Variants in IQCJ observed in about 807,000 individuals in gnomAD.
The protein encoded by IQCJ is IQ domain-containing protein J.
A neutral mutation model predicts 11.0 loss-of-function variants in IQCJ; 9 were observed. The ratio of observed to expected loss-of-function variants is 0.82; its 90% confidence interval spans 0.49 to 1.43. IQCJ has a LOEUF of 1.43. IQCJ is among the 40% of genes most tolerant of loss of function. The pLI is 0.00. For missense variants in IQCJ, 146 were observed against 133.2 expected, an observed-to-expected ratio of 1.10 and a Z score of -0.47; for synonymous variants, 55 against 51.3, an observed-to-expected ratio of 1.07 and a Z score of -0.31.
At chr3:159,254,589 A>C (rs1040218628) in intron 3 of IQCJ, among the ~76,000 whole-genome samples, 1 of 152,080 alleles carries the variant, frequency 6.6e-6, no homozygotes, top group African/African-American at 2.4e-5. Context: ...GTGGTTATTA[A>C]ATTCTTAACT....
At chr3:159,213,531 T>C (rs1319639389) in intron 1 of IQCJ, among the ~76,000 whole-genome samples, 1 of 152,224 alleles carries the variant, frequency 6.6e-6, no homozygotes, top group African/African-American at 2.4e-5. Flanking sequence ...TATAAAGAAC[T>C]ATCACTGTTT....
chr3:159,237,515 A>G (rs1726663205), intron 1 of IQCJ, among the ~76,000 whole-genome samples: 1 of 152,202 alleles, frequency 6.6e-6, no homozygotes. Context: ...CAACTCTTAT[A>G]ACAGTGGGAA....
intron 1 of IQCJ, among the ~76,000 whole-genome samples, chr3:159,134,599 G>A (rs1267235776): frequency 6.6e-6 from 1 of 152,122 alleles, no homozygotes; most frequent in African/African-American, 2.4e-5. Flanking sequence ...TTCTTTCAGT[G>A]ACCTTTTCTG....
At chr3:159,146,243 T>C (rs1720920289) in intron 1 of IQCJ, among the ~76,000 whole-genome samples, 1 of 152,076 alleles carries the variant, frequency 6.6e-6, no homozygotes, top group African/African-American at 2.4e-5. Flanking sequence ...ATGTGGCAAA[T>C]TGATGCCATT....
intron 2 of IQCJ, among the ~76,000 whole-genome samples, chr3:159,249,782 C>T (rs1727486426): frequency 6.6e-6 from 1 of 152,180 alleles, no homozygotes; most frequent in African/African-American, 2.4e-5. Flanking sequence ...CCCCTTGGAA[C>T]ATTACATTTA....
chr3:159,249,874 T>C (rs568620584), intron 2 of IQCJ, among the ~76,000 whole-genome samples: 2 of 150,242 alleles, frequency 1.3e-5, no homozygotes, highest in Non-Finnish European at 2.9e-5. Flanking sequence ...TCTGAGACCA[T>C]TGGCAGAGCC....
intron 1 of IQCJ, among the ~76,000 whole-genome samples, chr3:159,195,941 A>T (rs933936858): frequency 7.2e-5 from 11 of 152,232 alleles, no homozygotes; most frequent in African/African-American, 2.7e-4. Flanking sequence ...GACAATCAGG[A>T]TAATCATAGC....
chr3:159,081,604 A>C (rs1716316203), intron 1 of IQCJ, among the ~76,000 whole-genome samples: 1 of 152,056 alleles, frequency 6.6e-6, no homozygotes, highest in Non-Finnish European at 1.5e-5. Flanking sequence ...TCATTTTTTC[A>C]GTGTGGTTGA....
At chr3:159,151,877 G>A (rs138511922) in intron 1 of IQCJ, among the ~76,000 whole-genome samples, 19 of 152,246 alleles carry the variant, frequency 1.2e-4, no homozygotes, top group Admixed American at 5.2e-4. Context: ...CTCGTGATCC[G>A]CCCACCTTGG....
intron 3 of IQCJ, among the ~76,000 whole-genome samples, chr3:159,255,062 A>C (rs1727819110): frequency 6.6e-6 from 1 of 152,190 alleles, no homozygotes; most frequent in Non-Finnish European, 1.5e-5. Flanking sequence ...TTCCAAGATA[A>C]GTTTTTTTAG....
intron 2 of IQCJ, among the ~76,000 whole-genome samples, chr3:159,246,945 T>G (rs1241450725): frequency 6.6e-6 from 1 of 152,092 alleles, no homozygotes; most frequent in Admixed American, 6.6e-5. Context: ...CCAAACAGAA[T>G]GAACTTTGTT....
chr3:159,115,212 GTGAAGGAA>G (rs1718899084), intron 1 of IQCJ, among the ~76,000 whole-genome samples: 1 of 152,160 alleles, frequency 6.6e-6, no homozygotes, highest in Non-Finnish European at 1.5e-5. Flanking sequence ...TTTTGGATTT[GTGAAGGAA>G]TAGAGACAGG....
intron 1 of IQCJ, among the ~76,000 whole-genome samples, chr3:159,232,230 G>A (rs1391039264): frequency 7.2e-5 from 11 of 151,974 alleles, no homozygotes; most frequent in South Asian, 4.1e-4. Context: ...TTAGGGTGTC[G>A]ATTTTAGATC....
At chr3:159,232,451 C>CT (rs35423818) in intron 1 of IQCJ, among the ~76,000 whole-genome samples, 3,188 of 83,710 alleles carry the variant, frequency 0.038, 165 homozygotes, top group African/African-American at 0.11. Flanking sequence ...GAGAGACTTT[C>CT]TTTTTTTTTT....
intron 1 of IQCJ, among the ~76,000 whole-genome samples, chr3:159,127,638 C>T (rs943000838): frequency 7.9e-5 from 12 of 152,164 alleles, no homozygotes; most frequent in Admixed American, 5.2e-4. Flanking sequence ...TTCCTGGACA[C>T]AGAAAGCATA....
intron 1 of IQCJ, among the ~76,000 whole-genome samples, chr3:159,109,826 A>C (rs1428590926): frequency 1.3e-5 from 2 of 152,222 alleles, no homozygotes; most frequent in Non-Finnish European, 2.9e-5. Flanking sequence ...TCAGTATTTA[A>C]AACGATAAAT....
intron 1 of IQCJ, among the ~76,000 whole-genome samples, chr3:159,161,280 T>C (rs1721839876): frequency 2.6e-5 from 4 of 152,216 alleles, no homozygotes. Context: ...TGATGGCCAG[T>C]GATGGTGGAG....
intron 1 of IQCJ, among the ~76,000 whole-genome samples, chr3:159,129,832 T>C (rs1015507583): frequency 1.3e-5 from 2 of 152,212 alleles, no homozygotes; most frequent in Admixed American, 6.5e-5. Flanking sequence ...TTATCTTGGA[T>C]AAGTACAGTT....
intron 1 of IQCJ, among the ~76,000 whole-genome samples, chr3:159,084,062 G>A (rs374833058): frequency 2.4e-4 from 37 of 152,140 alleles, no homozygotes; most frequent in South Asian, 6.2e-4. Flanking sequence ...TATACAGTGC[G>A]TGTAAAACTG....
Sources: allele counts gnomAD v4.1 joint callset (sites outside exome capture counted in the v4.1 genomes callset), GRCh38; gene constraint gnomAD v4.1.1; transcripts MANE v1.5; gene names NCBI Gene and HGNC (gene_info 2026-07-23, HGNC 2026-07-21).